Variants in GOLGA4 observed in about 807,000 individuals in gnomAD.
The protein encoded by GOLGA4 is golgin A4.
GOLGA4 carries 169 observed loss-of-function variants against 265.9 expected under a neutral mutation model. The ratio of observed to expected loss-of-function variants is 0.64; its 90% confidence interval spans 0.56 to 0.72. The LOEUF is 0.72. Among genes scored for constraint, GOLGA4 ranks in the 30% least tolerant of loss-of-function variants. The probability of loss-of-function intolerance (pLI) is 0.00; values close to 1 mark genes in which losing one functional copy is unlikely to be tolerated. For missense variants in GOLGA4, 2,482 were observed against 2,483.4 expected (o/e 1.00, Z 0.01); for synonymous variants, 923 against 855.8 (o/e 1.08, Z -1.37).
intron 1 of GOLGA4, among the ~76,000 whole-genome samples, chr3:37,246,472 C>G (rs569831393): frequency 9.8e-4 from 149 of 152,206 alleles, no homozygotes; most frequent in African/African-American, 3.5e-3. Flanking sequence ...CATTTTTAGC[C>G]TTTTCAAGTA....
chr3:37,321,612 G>A lies in GOLGA4; in HGVS notation c.1546-119G>A, dbSNP rs1048189794. ...AGCATGGGAGGAGAGAGATGATGAC[G>A]TTACCTATCCAACAGGGCTGGGTGC... On this transcript the variant is annotated intron_variant, in intron 12 of 23. Coordinates refer to ENST00000361924, the MANE Select transcript of GOLGA4 (RefSeq NM_002078.5). 52 of 844,136 alleles carry A rather than the reference G, an allele frequency of 6.2e-5. No individual in the cohort carries two copies. The Admixed American group carries it at 1.0e-3, about 16-fold the overall frequency. The allele number at this position is 844,136 out of a possible 1,614,324, so 52.3% of individuals were successfully genotyped here.
intron 10 of GOLGA4, among the ~76,000 whole-genome samples, chr3:37,304,001 C>T (rs115542596): frequency 2.6e-4 from 40 of 152,192 alleles, no homozygotes; most frequent in Admixed American, 7.8e-4. Context: ...TAAGTATATA[C>T]TCAAGATTTA....
chr3:37,257,755 G>A (rs2096752815), intron 2 of GOLGA4, among the ~76,000 whole-genome samples: 2 of 151,142 alleles, frequency 1.3e-5, no homozygotes, highest in South Asian at 4.2e-4. Flanking sequence ...TCTCTGGTTT[G>A]CTGTCTTCCT....
At chr3:37,318,970 T>C (rs892007762) in intron 11 of GOLGA4, 93 bp from the exon 12 acceptor site, 19 of 825,390 alleles carry the variant, frequency 2.3e-5, no homozygotes, top group South Asian at 1.3e-4. Flanking sequence ...TAAAAACTTA[T>C]TAGTTTGAGT....
chr3:37,299,886 CAAA>C (rs761312241), intron 9 of GOLGA4, among the ~76,000 whole-genome samples: 1 of 125,210 alleles, frequency 8.0e-6, no homozygotes, highest in Admixed American at 8.2e-5. Context: ...CTCCTCTCTA[CAAA>C]AAAAAAAAAA....
At chr3:37,252,523 TAAG>T (rs2096736915) in intron 2 of GOLGA4, among the ~76,000 whole-genome samples, 1 of 152,194 alleles carries the variant, frequency 6.6e-6, no homozygotes, top group African/African-American at 2.4e-5. Flanking sequence ...TTTTAACACA[TAAG>T]AAGATAATGC....
At chr3:37,272,162 C>T (rs1253980858) in intron 2 of GOLGA4, among the ~76,000 whole-genome samples, 1 of 152,102 alleles carries the variant, frequency 6.6e-6, no homozygotes, top group Non-Finnish European at 1.5e-5. Context: ...GCATTTGAAT[C>T]ATCCCAAAAC....
At chr3:37,282,293 C>A in intron 3 of GOLGA4, 21 bp downstream of exon 3, 2 of 1,587,854 alleles carry the variant, frequency 1.3e-6, no homozygotes, top group Non-Finnish European at 1.7e-6. Flanking sequence ...GACCTTTTTG[C>A]CTGTACAAAA....
intron 10 of GOLGA4, among the ~76,000 whole-genome samples, chr3:37,307,924 T>C (rs903335421): frequency 2.6e-5 from 4 of 152,184 alleles, no homozygotes; most frequent in Admixed American, 6.5e-5. Flanking sequence ...TAGATAAATA[T>C]GTATGTAAAG....
chr3:37,340,722 T>A (rs1341936651), intron 20 of GOLGA4, among the ~76,000 whole-genome samples: 2 of 152,242 alleles, frequency 1.3e-5, no homozygotes, highest in Admixed American at 1.3e-4. Context: ...TCACCTAGCT[T>A]ATTCCACTTA....
intron 16 of GOLGA4, among the ~76,000 whole-genome samples, chr3:37,332,909 A>G (rs1230626555): frequency 6.6e-6 from 1 of 151,668 alleles, no homozygotes; most frequent in Non-Finnish European, 1.5e-5. Flanking sequence ...TTACTCATAT[A>G]TATTTGTTAC....
intron 2 of GOLGA4, among the ~76,000 whole-genome samples, chr3:37,278,446 AC>A (rs1429507499): frequency 1.3e-5 from 2 of 152,002 alleles, no homozygotes; most frequent in African/African-American, 2.4e-5. Flanking sequence ...CAGGTGATCC[AC>A]CCGCCTTGGC....
Position 37,315,398 on chromosome 3 carries a change from T to C in GOLGA4, c.1235-22T>C, listed in dbSNP as rs369386315. 85 of 1,590,824 alleles carry C rather than the reference T, an allele frequency of 5.3e-5. No individual in the cohort carries two copies. The African/African-American group carries it at 9.2e-4, about 17-fold the overall frequency. ...ATGATAATATTTCTTGAGATACTTG[T>C]TTTCTGTTGTTTTCATTATAGCTTT... is the stretch of plus-strand genomic sequence containing the variant. On this transcript the variant is annotated intron_variant, in intron 10 of 23. Coordinates refer to ENST00000361924, the MANE Select transcript of GOLGA4 (RefSeq NM_002078.5).
At chr3:37,265,072 C>T (rs2150686744) in intron 2 of GOLGA4, among the ~76,000 whole-genome samples, 1 of 152,048 alleles carries the variant, frequency 6.6e-6, no homozygotes, top group South Asian at 2.1e-4. Context: ...TAATCTGTGA[C>T]ATCCACAGAA....
intron 18 of GOLGA4, 23 bp downstream of exon 18, chr3:37,337,186 T>G: frequency 1.7e-6 from 2 of 1,202,326 alleles, no homozygotes; most frequent in Non-Finnish European, 2.4e-6. Flanking sequence ...CTTCTTTTTT[T>G]TTTTTTCTTT....
At chr3:37,294,638 C>T (rs1216543668) in intron 5 of GOLGA4, among the ~76,000 whole-genome samples, 4 of 152,144 alleles carry the variant, frequency 2.6e-5, no homozygotes, top group Non-Finnish European at 5.9e-5. Flanking sequence ...CCACCCTCCT[C>T]GGCCTCCCAC....
intron 2 of GOLGA4, among the ~76,000 whole-genome samples, chr3:37,263,804 G>C (rs554470031): frequency 6.6e-6 from 1 of 152,216 alleles, no homozygotes; most frequent in Non-Finnish European, 1.5e-5. Flanking sequence ...TATAACTTCA[G>C]TGTTGATTCA....
At chr3:37,351,879 T>C (rs1244972821) in intron 21 of GOLGA4, among the ~76,000 whole-genome samples, 1 of 152,048 alleles carries the variant, frequency 6.6e-6, no homozygotes, top group African/African-American at 2.4e-5. Flanking sequence ...CTAGGATCTT[T>C]GGGATGGTAA....
intron 2 of GOLGA4, among the ~76,000 whole-genome samples, chr3:37,274,247 G>A (rs1349307159): frequency 2.0e-5 from 3 of 152,092 alleles, no homozygotes; most frequent in Non-Finnish European, 4.4e-5. Flanking sequence ...AGGGGAATAT[G>A]AAGGAATGAG....
Sources: allele counts gnomAD v4.1 joint callset (sites outside exome capture counted in the v4.1 genomes callset), GRCh38; gene constraint gnomAD v4.1.1; transcripts MANE v1.5; gene names NCBI Gene and HGNC (gene_info 2026-07-23, HGNC 2026-07-21).